SHISA9: variants seen among roughly 807,000 people sequenced by gnomAD.
SHISA9 encodes the protein protein shisa-9.
Under a neutral mutation model 38.0 loss-of-function variants are expected in SHISA9, and 13 were observed. That is an observed-to-expected ratio of 0.34 (90% CI 0.22 to 0.54). SHISA9 has a LOEUF of 0.54. SHISA9 is among the 20% of genes least tolerant of loss of function. The pLI is 0.91. For missense variants in SHISA9, 538 were observed against 575.8 expected (o/e 0.93, Z 0.67); for synonymous variants, 275 against 242.0 (o/e 1.14, Z -1.27).
intron 2 of SHISA9, among the ~76,000 whole-genome samples, chr16:12,963,430 A>G (rs762861988): frequency 5.3e-5 from 8 of 152,234 alleles, no homozygotes; most frequent in Non-Finnish European, 1.0e-4. Flanking sequence ...GTAAATAACC[A>G]TAACATCAGG....
chr16:13,144,990 G>A (rs1415819679), intron 2 of SHISA9, among the ~76,000 whole-genome samples: 2 of 152,180 alleles, frequency 1.3e-5, no homozygotes, highest in Admixed American at 1.3e-4. Context: ...AGAGGAGGGA[G>A]CATCTTTCTT....
intron 2 of SHISA9, among the ~76,000 whole-genome samples, chr16:13,085,521 G>T (rs935043660): frequency 2.6e-5 from 4 of 152,148 alleles, no homozygotes; most frequent in Admixed American, 6.5e-5. Context: ...TTTTATGAAG[G>T]GCTAGAAAAA....
At chr16:13,358,000 G>A in the SHISA9 span, among the ~76,000 whole-genome samples, 9 of 152,138 alleles carry the variant, frequency 5.9e-5, no homozygotes, top group Non-Finnish European at 1.2e-4. Context: ...CCATCTGGGC[G>A]ATATATATAC....
chr16:12,916,784 C>T lies in SHISA9; in HGVS notation c.660C>T (p.Asn220=). The T allele has an allele frequency of 6.4e-7, 1 of 1,551,942 alleles. No homozygotes were observed. Among genetic ancestry groups the T allele is most frequent in the South Asian group, 1.2e-5 (1 of 84,070 alleles). Residue 220 remains asparagine (N), a synonymous_variant, in exon 2 of 5, where the codon AAC becomes AAT. Coordinates refer to ENST00000558583, the MANE Select transcript of SHISA9 (RefSeq NM_001145204.3). The part of the protein sequence containing the change: ...NIVVHVQHYE[N]MDTRTPINNL... Reference sequence around the variant, plus strand: ...TTGTCCACGTCCAGCATTATGAGAACATGGACACGAGAACCCCCATAAATA... The same window carrying T: ...TTGTCCACGTCCAGCATTATGAGAATATGGACACGAGAACCCCCATAAATA...
the SHISA9 span, among the ~76,000 whole-genome samples, chr16:13,285,462 GTTTTT>G: frequency 3.1e-5 from 3 of 95,784 alleles, no homozygotes; most frequent in Non-Finnish European, 5.9e-5. Flanking sequence ...TTCAGGTGTA[GTTTTT>G]TTTTTTTTTT....
chr16:12,936,587 C>T (rs1220713356), intron 2 of SHISA9, among the ~76,000 whole-genome samples: 1 of 152,234 alleles, frequency 6.6e-6, no homozygotes, highest in Non-Finnish European at 1.5e-5. Context: ...GCTTTTGCTT[C>T]AGACAGACTC....
intron 2 of SHISA9, among the ~76,000 whole-genome samples, chr16:13,033,280 C>T (rs566975089): frequency 2.3e-4 from 35 of 152,110 alleles, no homozygotes; most frequent in East Asian, 7.7e-4. Context: ...TGAAGGGAGG[C>T]GGGAAGGTGG....
At chr16:12,923,911 C>A (rs907831166) in intron 2 of SHISA9, among the ~76,000 whole-genome samples, 10 of 152,090 alleles carry the variant, frequency 6.6e-5, no homozygotes, top group African/African-American at 2.4e-4. Flanking sequence ...GATTCAAACC[C>A]AGGTCTGTCC....
the SHISA9 span, among the ~76,000 whole-genome samples, chr16:13,392,325 A>C: frequency 6.6e-6 from 1 of 152,174 alleles, no homozygotes; most frequent in Non-Finnish European, 1.5e-5. Context: ...TCTAGATAAC[A>C]ATCTATTTTT....
chr16:13,461,198 T>G, the SHISA9 span, among the ~76,000 whole-genome samples: 2 of 152,216 alleles, frequency 1.3e-5, no homozygotes, highest in Admixed American at 6.5e-5. Context: ...TGGGCAACTC[T>G]TAGTGTCCTC....
the SHISA9 span, among the ~76,000 whole-genome samples, chr16:13,492,220 G>A: frequency 6.6e-6 from 1 of 152,116 alleles, no homozygotes; most frequent in Admixed American, 6.5e-5. Context: ...AGCTTCCCCA[G>A]CAACATTCTG....
Position 13,099,834 on chromosome 16 carries a change from A to G in SHISA9, c.692-103560A>G, listed in dbSNP as rs1275315646. Among the ~76,000 whole-genome samples, 4 of 152,222 alleles carry G rather than the reference A, an allele frequency of 2.6e-5. No homozygotes were observed. In the East Asian group the frequency reaches 7.7e-4, roughly 29 times the overall value. On this transcript the variant is annotated intron_variant, in intron 2 of 4. Transcript: ENST00000558583. The stretch of plus-strand genomic sequence containing the variant: ...TTGACCCAAGAAGTAATGTGATCAG[A>G]GTTATACTTTACAAATCCCAGGGGC...
chr16:12,928,811 T>G (rs756853839), intron 2 of SHISA9, among the ~76,000 whole-genome samples: 6 of 152,226 alleles, frequency 3.9e-5, no homozygotes, highest in African/African-American at 7.2e-5. Flanking sequence ...TTTTAAAAAT[T>G]TAGTGCATAT....
Position 13,063,554 on chromosome 16 carries a change from G to A in SHISA9, c.692-139840G>A, listed in dbSNP as rs550034519. 1.4e-4 allele frequency among the ~76,000 whole-genome samples: 22 copies of A among 152,198 alleles called. No homozygotes were observed. The East Asian group carries it at 4.1e-3, about 28-fold the overall frequency. ...CTTGTGGGGCGTCAATGAAATAATG[G>A]CGCAGAATGTTCATCTAAGTACTGG... On this transcript the variant is annotated intron_variant, in intron 2 of 4. Transcript: ENST00000558583.
At chr16:13,212,538 A>G (rs182934053) in intron 3 of SHISA9, among the ~76,000 whole-genome samples, 2 of 152,254 alleles carry the variant, frequency 1.3e-5, no homozygotes, top group African/African-American at 4.8e-5. Context: ...AACTCCAGGC[A>G]CACACCTGTT....
the SHISA9 span, among the ~76,000 whole-genome samples, chr16:13,490,126 C>A: frequency 2.6e-5 from 4 of 151,922 alleles, no homozygotes; most frequent in Non-Finnish European, 2.9e-5. Context: ...TGTTTGGCTG[C>A]AGCTGAGTTT....
At chr16:13,433,489 A>T in the SHISA9 span, among the ~76,000 whole-genome samples, 29 of 152,138 alleles carry the variant, frequency 1.9e-4, no homozygotes, top group African/African-American at 6.7e-4. Flanking sequence ...TTTTGGGGCA[A>T]ACTGCTATTA....
intron 2 of SHISA9, among the ~76,000 whole-genome samples, chr16:12,936,034 T>G (rs1567344556): frequency 6.6e-6 from 1 of 152,136 alleles, no homozygotes; most frequent in Non-Finnish European, 1.5e-5. Flanking sequence ...TGAAGCCGAC[T>G]GACAAATGGA....
chr16:13,444,222 T>C, the SHISA9 span, among the ~76,000 whole-genome samples: 1 of 151,982 alleles, frequency 6.6e-6, no homozygotes, highest in Non-Finnish European at 1.5e-5. Context: ...AATATGAAAA[T>C]TAGCCAGGCG....
Sources: gnomAD v4.1 joint callset for allele counts (sites outside exome capture counted in the v4.1 genomes callset) on GRCh38, gnomAD v4.1.1 for gene constraint, MANE v1.5 for transcripts, NCBI Gene and HGNC (gene_info 2026-07-23, HGNC 2026-07-21) for gene names.